The following ANKRD44 variants were observed in gnomAD, a reference collection of about 807,000 sequenced individuals.
ANKRD44 encodes ankyrin repeat domain 44.
A neutral mutation model predicts 116.0 loss-of-function variants in ANKRD44; 35 were observed. The observed-to-expected ratio is 0.30, with a 90% CI of 0.23 to 0.40. The LOEUF (loss-of-function observed/expected upper bound fraction) is 0.40. Among genes scored for constraint, ANKRD44 ranks in the 10% least tolerant of loss-of-function variants. The pLI is 1.00. For missense variants in ANKRD44, 1,014 were observed against 1,242.6 expected (o/e 0.82, Z 2.77); for synonymous variants, 435 against 461.8 (o/e 0.94, Z 0.74).
At chr2:197,085,321 T>G (rs1349041816) in intron 13 of ANKRD44, among the ~76,000 whole-genome samples, 1 of 152,122 alleles carries the variant, frequency 6.6e-6, no homozygotes, top group Non-Finnish European at 1.5e-5. Flanking sequence ...GATACCCAGT[T>G]CTTGTCCTGA....
At chr2:197,193,989 T>C (rs184189931) in intron 1 of ANKRD44, among the ~76,000 whole-genome samples, 2 of 152,260 alleles carry the variant, frequency 1.3e-5, no homozygotes, top group East Asian at 3.9e-4. Flanking sequence ...ACAGGGATGA[T>C]TGTTTACCTT....
At chr2:196,969,007 A>G (rs1396802303) in intron 21 of ANKRD44, among the ~76,000 whole-genome samples, 1 of 152,134 alleles carries the variant, frequency 6.6e-6, no homozygotes, top group Non-Finnish European at 1.5e-5. Context: ...ACCAGATACA[A>G]CTTATTTATA....
chr2:197,133,949 T>TTCTTTC (rs1348811373), intron 4 of ANKRD44: 2 of 30,014 alleles, frequency 6.7e-5, no homozygotes, highest in Non-Finnish European at 2.1e-4. Context: ...TTTTCTTTCT[T>TTCTTTC]TTTTTTTTTT....
At chr2:197,131,872 A>G (rs1057349135) in intron 4 of ANKRD44, among the ~76,000 whole-genome samples, 6 of 152,220 alleles carry the variant, frequency 3.9e-5, no homozygotes, top group African/African-American at 1.2e-4. Context: ...GGGTTTGTGT[A>G]CATTTCGTTC....
chr2:197,118,637 G>GAGAGAGAGAGAGAAAGAA (rs773839262), intron 8 of ANKRD44, among the ~76,000 whole-genome samples: 5 of 112,440 alleles, frequency 4.4e-5, no homozygotes, highest in East Asian at 2.4e-4. Context: ...GAGAGAGAGA[G>GAGAGAGAGAGAGAAAGAA]AGAAAGAAAG....
chr2:197,033,862 G>A (rs2076755826), intron 16 of ANKRD44, among the ~76,000 whole-genome samples: 1 of 152,040 alleles, frequency 6.6e-6, no homozygotes, highest in Non-Finnish European at 1.5e-5. Flanking sequence ...TAATTAAGAA[G>A]ACAATGTAAA....
chr2:197,060,609 T>C, intron 16 of ANKRD44, among the ~76,000 whole-genome samples: 1 of 152,214 alleles, frequency 6.6e-6, no homozygotes, highest in East Asian at 1.9e-4. Context: ...ATAGTCCTCA[T>C]GCTGTACGTT....
At chr2:197,116,017 T>C (rs988009572) in intron 8 of ANKRD44, among the ~76,000 whole-genome samples, 8 of 152,226 alleles carry the variant, frequency 5.3e-5, no homozygotes, top group South Asian at 4.1e-4. Flanking sequence ...ATTCTAGTTA[T>C]GATCAGCAGT....
At chr2:197,060,611 C>T (rs1463005058) in intron 16 of ANKRD44, among the ~76,000 whole-genome samples, 1 of 152,182 alleles carries the variant, frequency 6.6e-6, no homozygotes, top group Non-Finnish European at 1.5e-5. Context: ...AGTCCTCATG[C>T]TGTACGTTAG....
At chr2:197,070,154 A>T (rs1332218787) in intron 16 of ANKRD44, among the ~76,000 whole-genome samples, 11 of 151,754 alleles carry the variant, frequency 7.2e-5, no homozygotes, top group Admixed American at 7.2e-4. Context: ...ATTACTGGGG[A>T]TTTTCTATGT....
At chr2:197,289,286 G>A (rs185226995) in intron 1 of ANKRD44, among the ~76,000 whole-genome samples, 5 of 152,312 alleles carry the variant, frequency 3.3e-5, no homozygotes, top group Admixed American at 3.3e-4. Flanking sequence ...TGTTGACAAG[G>A]ATGTGGAGAA....
chr2:197,087,883 T>C (rs2077962468), intron 12 of ANKRD44, among the ~76,000 whole-genome samples: 1 of 152,124 alleles, frequency 6.6e-6, no homozygotes, highest in Non-Finnish European at 1.5e-5. Context: ...AAATTATGAA[T>C]ACAAATTTAG....
intron 1 of ANKRD44, among the ~76,000 whole-genome samples, chr2:197,225,588 C>T (rs2081689112): frequency 6.6e-6 from 1 of 152,214 alleles, no homozygotes; most frequent in Non-Finnish European, 1.5e-5. Context: ...AAGTGATCTA[C>T]CCGCCTCAGC....
intron 21 of ANKRD44, among the ~76,000 whole-genome samples, chr2:196,972,312 G>A (rs997787874): frequency 6.6e-6 from 1 of 152,004 alleles, no homozygotes; most frequent in African/African-American, 2.4e-5. Flanking sequence ...CAAGCAATTC[G>A]CATGCCTCAG....
rs760712109 is a variant in ANKRD44 at position 197,088,817 on chromosome 2, T to A, written c.1184-43A>T. ...TCATTACTAAACAAGGATACTATGCTATACTTTTGTCCTAGTTAAACCACA... is the reference window on the plus strand; with the variant it reads ...TCATTACTAAACAAGGATACTATGCAATACTTTTGTCCTAGTTAAACCACA... On this transcript the variant is annotated intron_variant, in intron 11 of 27. Transcript: ENST00000282272. 1.1e-5 allele frequency: 17 copies of A among 1,599,150 alleles called. No individual in the cohort carries two copies. In the South Asian group the frequency reaches 1.9e-4, roughly 18 times the overall value.
intron 8 of ANKRD44, among the ~76,000 whole-genome samples, chr2:197,116,318 G>A (rs34079696): frequency 0.025 from 3,843 of 152,240 alleles, 70 homozygotes; most frequent in Middle Eastern, 0.041. Context: ...TAAAGAGAGC[G>A]CCTTTATTAA....
chr2:197,052,875 A>G (rs548369812), intron 16 of ANKRD44, among the ~76,000 whole-genome samples: 1 of 152,290 alleles, frequency 6.6e-6, no homozygotes, highest in South Asian at 2.1e-4. Flanking sequence ...GTTTTTTTTA[A>G]GAACTTGAGA....
chr2:197,250,392 C>A (rs1199739539), intron 1 of ANKRD44, among the ~76,000 whole-genome samples: 1 of 152,134 alleles, frequency 6.6e-6, no homozygotes, highest in South Asian at 2.1e-4. Context: ...TCTCATAGAC[C>A]AGAACAAAGG....
intron 16 of ANKRD44, among the ~76,000 whole-genome samples, chr2:197,046,729 T>C (rs775853089): frequency 1.1e-4 from 16 of 152,096 alleles, no homozygotes; most frequent in Non-Finnish European, 2.1e-4. Context: ...CTTTTTCTAA[T>C]AGCAAGCATA....
Sources: allele counts gnomAD v4.1 joint callset (sites outside exome capture counted in the v4.1 genomes callset), GRCh38; gene constraint gnomAD v4.1.1; transcripts MANE v1.5; gene names NCBI Gene and HGNC (gene_info 2026-07-23, HGNC 2026-07-21).